SEPTIN12: variants seen among roughly 807,000 people sequenced by gnomAD.
The protein encoded by SEPTIN12 is septin 12, also known as septin-12.
A neutral mutation model predicts 37.7 loss-of-function variants in SEPTIN12; 42 were observed. That is an observed-to-expected ratio of 1.11 (90% CI 0.87 to 1.44). The LOEUF is 1.44. Ranked by LOEUF, SEPTIN12 falls within the 40% of genes most tolerant of loss-of-function variation. The probability of loss-of-function intolerance (pLI) is 0.00; values close to 1 mark genes in which losing one functional copy is unlikely to be tolerated. For missense variants in SEPTIN12, 613 were observed against 479.2 expected (o/e 1.28, Z -2.61); for synonymous variants, 254 against 196.7 (o/e 1.29, Z -2.44).
At chr16:4,786,967 C>G (rs1201376575) in intron 2 of SEPTIN12, among the ~76,000 whole-genome samples, 1 of 152,068 alleles carries the variant, frequency 6.6e-6, no homozygotes, top group Non-Finnish European at 1.5e-5. Flanking sequence ...ATCTGCCTCC[C>G]AGGTTCAAGC....
intron 7 of SEPTIN12, chr16:4,783,228 A>C: frequency 1.8e-6 from 1 of 551,204 alleles, no homozygotes; most frequent in South Asian, 2.0e-5. Context: ...CTATATATTC[A>C]GGATACAAGC....
chr16:4,778,036 C>G, intron 9 of SEPTIN12, 38 bp from the exon 10 acceptor site: 5 of 1,612,504 alleles, frequency 3.1e-6, no homozygotes, highest in Non-Finnish European at 3.4e-6. Flanking sequence ...ATGGTGGTGT[C>G]CCCAGGGCCC....
intron 2 of SEPTIN12, among the ~76,000 whole-genome samples, chr16:4,786,988 C>A (rs2082462738): frequency 6.6e-6 from 1 of 152,006 alleles, no homozygotes; most frequent in Non-Finnish European, 1.5e-5. Context: ...AATTCTCCTG[C>A]CTTAGCCTCC....
At position 4,781,257 on chromosome 16, in the gene SEPTIN12, TA is replaced by T. The variant is rs757068979; in HGVS notation, c.727-1472del. 8.6e-3 allele frequency among the ~76,000 whole-genome samples: 1,093 copies of T among 127,612 alleles called. 1 individual carries two copies. The highest frequency in any genetic ancestry group is 0.015 in the African/African-American group (512 of 34,232). 83.7% of individuals were successfully genotyped at this position (127,612 alleles called of 152,430 possible). A position where few individuals can be genotyped will look rare whatever the true frequency, so the allele number is the denominator to read the frequency against. On this transcript the variant is annotated intron_variant, in intron 7 of 9. Transcript: ENST00000268231. ...TTGGGTGACAGAGGGAGACTCCATC[TA>T]AAAAAAAAAAAAAGACCCTATCTCA...
rs757652359 is a variant in SEPTIN12, at chr16:4,777,755, T to C, written c.*42A>G. The C allele has an allele frequency of 2.9e-6, 4 of 1,383,698 alleles. No homozygotes were observed. The highest frequency in any genetic ancestry group is 3.9e-6 in the Non-Finnish European group (4 of 1,029,518). The allele number at this position is 1,383,698 out of a possible 1,614,324, so 85.7% of individuals were successfully genotyped here. A position where few individuals can be genotyped will look rare whatever the true frequency, so the allele number is the denominator to read the frequency against. On this transcript the variant is annotated 3_prime_UTR_variant, in exon 10 of 10. Transcript: ENST00000268231. ...TACATAGGTGTGTGTTGAGAGCCGC[T>C]GGGGACTCAGGAAGCCCAGCAGCCC... is the stretch of plus-strand genomic sequence containing the variant.
chr16:4,784,263 T>G, intron 4 of SEPTIN12, 195 bp from the exon 5 acceptor site: 2 of 599,058 alleles, frequency 3.3e-6, no homozygotes, highest in South Asian at 3.9e-5. Flanking sequence ...CTCCTGCCAT[T>G]CTCGGCTTCA....
chr16:4,782,950 G>A (rs1053857432), intron 7 of SEPTIN12, among the ~76,000 whole-genome samples: 3 of 149,194 alleles, frequency 2.0e-5, no homozygotes, highest in African/African-American at 7.4e-5. Context: ...TTCTTGCCCA[G>A]GCTGGAGTGC....
chr16:4,785,226 G>A (rs959095380), intron 4 of SEPTIN12, among the ~76,000 whole-genome samples: 1 of 151,034 alleles, frequency 6.6e-6, no homozygotes, highest in East Asian at 1.9e-4. Context: ...ACTCTGGCCT[G>A]GGTGACAAGA....
chr16:4,781,943 C>CTTTTTTTTTTTTTTTTTTTTTTTTTTT lies in SEPTIN12; in HGVS notation c.726+1518_726+1519insAAAAAAAAAAAAAAAAAAAAAAAAAAA, dbSNP rs571415645. On this transcript the variant is annotated intron_variant, in intron 7 of 9. Coordinates refer to ENST00000268231, the MANE Select transcript of SEPTIN12 (RefSeq NM_144605.5). ...ACAGGTGTGAGCCACCGTGCCCGGC[C>CTTTTTTTTTTTTTTTTTTTTTTTTTTT]TTTTTTTTTTTTTTTTTTTTTTTTT... 4.2e-5 allele frequency among the ~76,000 whole-genome samples: 2 copies of CTTTTTTTTTTTTTTTTTTTTTTTTTTT among 47,450 alleles called. 1 individual carries two copies. The allele number at this position is 47,450 out of a possible 152,430, so 31.1% of individuals were successfully genotyped here.
At position 4,787,727 on chromosome 16, in the gene SEPTIN12, C is replaced by T. The variant is rs529958270; in HGVS notation, c.-22-60G>A. 4.3e-5 allele frequency: 30 copies of T among 694,174 alleles called. No individual in the cohort carries two copies. In the East Asian group the frequency reaches 8.1e-4, roughly 19 times the overall value. 43.0% of individuals were successfully genotyped at this position (694,174 alleles called of 1,614,324 possible). ...GGGGCTCAGAGGAGCCCACATTGAC[C>T]TCTCCTATCTGAACCCCTATTTGAG... On this transcript the variant is annotated intron_variant, in intron 1 of 9. Coordinates refer to ENST00000268231, the MANE Select transcript of SEPTIN12 (RefSeq NM_144605.5).
In SEPTIN12 at chr16:4,787,550, A is replaced by G. The variant is rs1170734761; in HGVS notation, c.96T>C (p.Ile32=). 6.2e-7 allele frequency: 1 copy of G among 1,612,042 alleles called. No homozygotes were observed. The highest frequency in any genetic ancestry group is 1.7e-5 in the Admixed American group (1 of 60,012). Residue 32 remains isoleucine (I), a synonymous_variant, in exon 2 of 10, where the codon ATT becomes ATC. Transcript: ENST00000268231. ...PPCEMLGPVG[I]EAVLDQLKIK... ...TCTTCAGCTGGTCCAGCACAGCCTC[A>G]ATGCCCACAGGACCAAGCATCTCGC...
chr16:4,785,883 CTA>C lies in SEPTIN12; in HGVS notation c.296_297del (p.Ile99ArgfsTer24). The part of the protein sequence containing the change: ...TLQLHSLTHV[I>X]EEKGVKLKLT... ...AGCTTCAGCTTCACACCCTTCTCCT[CTA>C]TGACTGTGGAGGGAGAGCAGAGTCG... On this transcript the variant is annotated frameshift_variant, in exon 4 of 10. Coordinates refer to ENST00000268231, the MANE Select transcript of SEPTIN12 (RefSeq NM_144605.5). LOFTEE classifies it high-confidence loss of function. 6.3e-7 allele frequency: 1 copy of C among 1,596,432 alleles called. No homozygotes were observed. The highest frequency in any genetic ancestry group is 8.5e-7 in the Non-Finnish European group (1 of 1,170,036).
At chr16:4,789,421 G>T (rs1333344487), upstream of SEPTIN12, among the ~76,000 whole-genome samples, 2 of 151,914 alleles carry the variant, frequency 1.3e-5, no homozygotes, top group South Asian at 2.1e-4. Context: ...TGCCTCCCGG[G>T]TTCACGCCGC....
upstream of SEPTIN12, among the ~76,000 whole-genome samples, chr16:4,789,082 G>C (rs190045999): frequency 1.3e-5 from 2 of 152,292 alleles, no homozygotes; most frequent in Admixed American, 6.5e-5. Context: ...GCAGTGGCGC[G>C]ATCTCGGCTC....
At chr16:4,787,700 C>A in intron 1 of SEPTIN12, 33 bp from the exon 2 acceptor site, 1 of 935,088 alleles carries the variant, frequency 1.1e-6, no homozygotes, top group Non-Finnish European at 1.6e-6. Flanking sequence ...AAGGGGGTCA[C>A]TGGGGCTCAG....
Position 4,786,014 on chromosome 16 carries a change from T to C in SEPTIN12, c.258A>G (p.Thr86=), listed in dbSNP as rs777048191. The change falls in exon 3 of 10, where the codon ACA becomes ACG. Residue 86 remains threonine, a synonymous_variant. Transcript: ENST00000268231. ...KSNPPGLGVP[T]PQTLQLHSLT... ...GTGAATGCAGCTGCAGCGTCTGGGG[T>C]GTGGGCACCCCCAAGCCCGGTGGGT... 2.5e-6 allele frequency: 4 copies of C among 1,613,462 alleles called. No homozygotes were observed. Among genetic ancestry groups the C allele is most frequent in the Non-Finnish European group, 3.4e-6 (4 of 1,179,856 alleles).
intron 3 of SEPTIN12, 21 bp from the exon 4 acceptor site, chr16:4,785,909 C>T (rs754527577): frequency 2.1e-5 from 21 of 993,814 alleles, no homozygotes; most frequent in East Asian, 1.1e-4. Flanking sequence ...AGAGCAGAGT[C>T]GGGAGAGACT....
Position 4,779,735 on chromosome 16 carries a change from C to G in SEPTIN12, c.778G>C (p.Gly260Arg), listed in dbSNP as rs754985476. The change falls in exon 8 of 10, where the codon GGG becomes CGG. Residue 260 changes from glycine to arginine, a missense_variant. Physicochemically the swap from Gly to Arg is moderately radical, Grantham distance 125. Coordinates refer to ENST00000268231, the MANE Select transcript of SEPTIN12 (RefSeq NM_144605.5). ...VGADQEHLVNGRCVLGRKTKW... is the reference protein window; with the variant it reads ...VGADQEHLVNRRCVLGRKTKW... Reference sequence around the variant, plus strand: ...GTCTTCCGGCCCAGGACACACCTCCCGTTCACCAGGTGCTCTTGGTCAGCC... The same window carrying G: ...GTCTTCCGGCCCAGGACACACCTCCGGTTCACCAGGTGCTCTTGGTCAGCC... 3 of 1,613,868 alleles carry G rather than the reference C, an allele frequency of 1.9e-6. No homozygotes were observed. The highest frequency in any genetic ancestry group is 2.5e-6 in the Non-Finnish European group (3 of 1,179,778).
chr16:4,785,459 G>C (rs552911073), intron 4 of SEPTIN12, among the ~76,000 whole-genome samples: 1 of 152,030 alleles, frequency 6.6e-6, no homozygotes, highest in South Asian at 2.1e-4. Flanking sequence ...GACAGCCATG[G>C]CTTGGCCCCC....
Sources: gnomAD v4.1 joint callset for allele counts (sites outside exome capture counted in the v4.1 genomes callset) on GRCh38, gnomAD v4.1.1 for gene constraint, MANE v1.5 for transcripts, NCBI Gene and HGNC (gene_info 2026-07-23, HGNC 2026-07-21) for gene names.